GRIK4: variants seen among roughly 807,000 people sequenced by gnomAD.
GRIK4 encodes the protein glutamate ionotropic receptor kainate type subunit 4, also known as glutamate receptor ionotropic, kainate 4.
Under a neutral mutation model 104.9 loss-of-function variants are expected in GRIK4, and 40 were observed. The observed-to-expected ratio is 0.38, with a 90% CI of 0.30 to 0.50. The LOEUF (loss-of-function observed/expected upper bound fraction) is 0.50, where lower values mean the gene tolerates loss of function less well. Ranked by LOEUF, GRIK4 falls within the 20% of genes least tolerant of loss-of-function variation. GRIK4 has a pLI of 0.93. For synonymous variants in GRIK4, 485 were observed against 524.9 expected (o/e 0.92, Z 1.04); for missense variants, 1,047 against 1,308.1 (o/e 0.80, Z 3.08).
chr11:120,589,509 C>T (rs765923779), intron 1 of GRIK4, among the ~76,000 whole-genome samples: 19 of 152,186 alleles, frequency 1.2e-4, no homozygotes, highest in Non-Finnish European at 2.1e-4. Flanking sequence ...GCTGGCCACC[C>T]GTGTCTCACT....
chr11:120,705,767 C>T lies in GRIK4; in HGVS notation c.82+45367C>T, dbSNP rs184033586. Among the ~76,000 whole-genome samples the T allele has an allele frequency of 7.9e-5, 12 of 152,204 alleles. No individual in the cohort carries two copies. In the East Asian group the frequency reaches 2.3e-3, roughly 29 times the overall value. ...TTCCTAGGTATTTTGTTCTTTTTAA[C>T]GCTATCGTAAATGGAAATATTTCTT... On this transcript the variant is annotated intron_variant, in intron 3 of 20. Coordinates refer to ENST00000527524, the MANE Select transcript of GRIK4 (RefSeq NM_014619.5).
At chr11:120,632,497 A>C (rs1282238627) in intron 1 of GRIK4, among the ~76,000 whole-genome samples, 1 of 151,910 alleles carries the variant, frequency 6.6e-6, no homozygotes, top group Admixed American at 6.6e-5. Flanking sequence ...GACCCTGCTC[A>C]CTTAGAACCC....
intron 3 of GRIK4, among the ~76,000 whole-genome samples, chr11:120,743,233 G>GAAAAAA (rs1160708566): frequency 9.4e-6 from 1 of 105,988 alleles, no homozygotes. Context: ...CTGTCTCAGA[G>GAAAAAA]AAAAAAAAAA....
At chr11:120,621,174 T>C (rs1192886450) in intron 1 of GRIK4, among the ~76,000 whole-genome samples, 1 of 152,142 alleles carries the variant, frequency 6.6e-6, no homozygotes, top group Non-Finnish European at 1.5e-5. Flanking sequence ...GAGTCTTGGG[T>C]AAGGTCAGGA....
intron 1 of GRIK4, among the ~76,000 whole-genome samples, chr11:120,610,809 C>A (rs1226568861): frequency 6.6e-6 from 1 of 152,122 alleles, no homozygotes; most frequent in African/African-American, 2.4e-5. Flanking sequence ...AGGGAGGTCC[C>A]CCTCCCCAGC....
chr11:120,537,689 G>A (rs750276338), intron 1 of GRIK4, among the ~76,000 whole-genome samples: 7 of 152,216 alleles, frequency 4.6e-5, no homozygotes, highest in African/African-American at 9.6e-5. Flanking sequence ...ACGGGCACGC[G>A]CCTTCCTCCT....
chr11:120,724,715 A>AT (rs1268258269), intron 3 of GRIK4, among the ~76,000 whole-genome samples: 5 of 152,314 alleles, frequency 3.3e-5, no homozygotes, highest in African/African-American at 1.2e-4. Flanking sequence ...ATTCAGAGTA[A>AT]TTTTTGTCAA....
At chr11:120,792,264 G>A (rs529823358) in intron 3 of GRIK4, among the ~76,000 whole-genome samples, 64 of 152,084 alleles carry the variant, frequency 4.2e-4, no homozygotes, top group Admixed American at 1.1e-3. Flanking sequence ...GTGTGTGTGT[G>A]TGTAAGGGGT....
At chr11:120,839,608 C>T (rs981997139) in intron 8 of GRIK4, among the ~76,000 whole-genome samples, 1 of 152,178 alleles carries the variant, frequency 6.6e-6, no homozygotes, top group Non-Finnish European at 1.5e-5. Context: ...CATGCATGAC[C>T]TGTGAAAGTG....
At chr11:120,749,844 A>G (rs1951516031) in intron 3 of GRIK4, among the ~76,000 whole-genome samples, 1 of 152,164 alleles carries the variant, frequency 6.6e-6, no homozygotes, top group Non-Finnish European at 1.5e-5. Flanking sequence ...TTTAAAATTT[A>G]CTTTTATGCT....
chr11:120,560,995 C>T (rs978164590), intron 1 of GRIK4, among the ~76,000 whole-genome samples: 2 of 152,084 alleles, frequency 1.3e-5, no homozygotes, highest in African/African-American at 4.8e-5. Flanking sequence ...GATATTAATG[C>T]GGAAATGTTA....
chr11:120,817,920 C>A (rs1282829864), intron 5 of GRIK4, among the ~76,000 whole-genome samples: 1 of 152,236 alleles, frequency 6.6e-6, no homozygotes, highest in Non-Finnish European at 1.5e-5. Context: ...AGGTATTGAA[C>A]TATTATATAC....
chr11:120,813,598 A>G (rs1341929445), intron 4 of GRIK4, among the ~76,000 whole-genome samples: 1 of 152,192 alleles, frequency 6.6e-6, no homozygotes, highest in African/African-American at 2.4e-5. Flanking sequence ...TCCAAGATCT[A>G]TAGTTCATAT....
intron 3 of GRIK4, among the ~76,000 whole-genome samples, chr11:120,786,585 T>A (rs1952281527): frequency 6.6e-6 from 1 of 152,222 alleles, no homozygotes; most frequent in Admixed American, 6.5e-5. Flanking sequence ...CCTGCCTTGC[T>A]TCTGGCTGTG....
rs931642572 is a variant in GRIK4, at chr11:120,956,468, G to A, written c.1701-312G>A. 1.3e-5 allele frequency among the ~76,000 whole-genome samples: 2 copies of A among 152,096 alleles called. No homozygotes were observed. The highest frequency in any genetic ancestry group is 4.8e-5 in the African/African-American group (2 of 41,406). Reference sequence around the variant, plus strand: ...AATCCACCCGCCTCGGCCTCCCAAAGTGCTGGGATTACAGGCATGAGCCAC... The same window carrying A: ...AATCCACCCGCCTCGGCCTCCCAAAATGCTGGGATTACAGGCATGAGCCAC... On this transcript the variant is annotated intron_variant, in intron 15 of 20. Transcript: ENST00000527524. The surrounding 1 kb of genome is among the most constrained non-coding windows in gnomAD (Gnocchi z 4.6).
chr11:120,648,259 C>CA (rs1254365936), intron 1 of GRIK4, among the ~76,000 whole-genome samples: 1 of 152,198 alleles, frequency 6.6e-6, no homozygotes, highest in Non-Finnish European at 1.5e-5. Flanking sequence ...AGGCCACTGG[C>CA]AGAGGGAAGG....
intron 1 of GRIK4, among the ~76,000 whole-genome samples, chr11:120,630,190 C>T (rs1279417105): frequency 6.6e-6 from 1 of 152,178 alleles, no homozygotes; most frequent in Non-Finnish European, 1.5e-5. Flanking sequence ...TGTGTGGGGA[C>T]CCTGAACCCC....
chr11:120,600,021 A>C (rs2135127593), intron 1 of GRIK4, among the ~76,000 whole-genome samples: 2 of 152,362 alleles, frequency 1.3e-5, no homozygotes, highest in East Asian at 3.9e-4. Flanking sequence ...CTGGCGCATC[A>C]GAAAAGCTCT....
chr11:120,740,599 T>C (rs2187495), intron 3 of GRIK4, among the ~76,000 whole-genome samples: 115,553 of 152,102 alleles, frequency 0.76, 44,185 homozygotes, highest in Middle Eastern at 0.85. Flanking sequence ...GCCTGGTAAC[T>C]TGGGAGGAAC....
Sources: allele counts gnomAD v4.1 joint callset (sites outside exome capture counted in the v4.1 genomes callset), GRCh38; gene constraint gnomAD v4.1.1; non-coding constraint Gnocchi (gnomAD v3.1); transcripts MANE v1.5; gene names NCBI Gene and HGNC (gene_info 2026-07-23, HGNC 2026-07-21).